Variants in ADAMTS3 observed in about 807,000 individuals in gnomAD.
ADAMTS3 encodes the protein A disintegrin and metalloproteinase with thrombospondin motifs 3.
Under a neutral mutation model 129.0 loss-of-function variants are expected in ADAMTS3, and 73 were observed. That is an observed-to-expected ratio of 0.57 (90% CI 0.47 to 0.69). The LOEUF (loss-of-function observed/expected upper bound fraction) is 0.69. Among genes scored for constraint, ADAMTS3 ranks in the 30% least tolerant of loss-of-function variants. The pLI is 0.00. For synonymous variants in ADAMTS3, 477 were observed against 510.8 expected (o/e 0.93, Z 0.89); for missense variants, 1,457 against 1,514.5 (o/e 0.96, Z 0.63).
chr4:72,375,013 A>G (rs1721102989), intron 4 of ADAMTS3, among the ~76,000 whole-genome samples: 1 of 152,084 alleles, frequency 6.6e-6, no homozygotes, highest in Admixed American at 6.5e-5. Flanking sequence ...ATGATGGGAG[A>G]TCACTTTATA....
At chr4:72,307,349 A>G (rs1719114120) in intron 15 of ADAMTS3, among the ~76,000 whole-genome samples, 1 of 152,062 alleles carries the variant, frequency 6.6e-6, no homozygotes, top group African/African-American at 2.4e-5. Flanking sequence ...TAAGATGCCA[A>G]GTACAGCAAA....
intron 3 of ADAMTS3, among the ~76,000 whole-genome samples, chr4:72,476,952 G>GA (rs372598694): frequency 2.2e-3 from 340 of 152,134 alleles, no homozygotes; most frequent in African/African-American, 7.6e-3. Flanking sequence ...AAATGATGCA[G>GA]AAAAAATCAT....
chr4:72,498,223 C>T (rs1268967175), intron 3 of ADAMTS3, among the ~76,000 whole-genome samples: 1 of 152,016 alleles, frequency 6.6e-6, no homozygotes, highest in Admixed American at 6.6e-5. Context: ...ACGATTTCTG[C>T]ACCGCATTCT....
At chr4:72,403,668 A>AT (rs1334064111) in intron 4 of ADAMTS3, among the ~76,000 whole-genome samples, 1 of 151,954 alleles carries the variant, frequency 6.6e-6, no homozygotes, top group Non-Finnish European at 1.5e-5. Flanking sequence ...TCTTAACACT[A>AT]TTTTTTGCTA....
intron 3 of ADAMTS3, among the ~76,000 whole-genome samples, chr4:72,512,243 C>T (rs772351624): frequency 7.0e-4 from 107 of 151,966 alleles, no homozygotes; most frequent in Non-Finnish European, 1.2e-3. Flanking sequence ...TGGGAGGCCG[C>T]GGTGGACAGA....
At chr4:72,449,524 T>G (rs1718338887) in intron 3 of ADAMTS3, among the ~76,000 whole-genome samples, 1 of 151,788 alleles carries the variant, frequency 6.6e-6, no homozygotes, top group South Asian at 2.1e-4. Flanking sequence ...AGCTTTCTTA[T>G]TACTATTGTA....
At chr4:72,485,954 A>G (rs1719580229) in intron 3 of ADAMTS3, among the ~76,000 whole-genome samples, 1 of 152,192 alleles carries the variant, frequency 6.6e-6, no homozygotes, top group Non-Finnish European at 1.5e-5. Context: ...CTCACTGGAC[A>G]CTGAAACTGC....
intron 3 of ADAMTS3, among the ~76,000 whole-genome samples, chr4:72,445,694 T>G (rs1718232283): frequency 6.6e-6 from 1 of 151,600 alleles, no homozygotes; most frequent in African/African-American, 2.4e-5. Context: ...TAGGCCCAAA[T>G]CAGCCCAATT....
At chr4:72,518,049 T>C (rs1327988231) in intron 3 of ADAMTS3, among the ~76,000 whole-genome samples, 3 of 152,302 alleles carry the variant, frequency 2.0e-5, no homozygotes, top group Admixed American at 2.0e-4. Context: ...TTTGTTCTCG[T>C]TGGTTTCAAA....
intron 3 of ADAMTS3, among the ~76,000 whole-genome samples, chr4:72,456,975 A>G (rs777087775): frequency 2.6e-5 from 4 of 151,730 alleles, no homozygotes; most frequent in Non-Finnish European, 5.9e-5. Context: ...TTAAGTTTGT[A>G]GAAATCATCA....
At chr4:72,416,247 T>C (rs1480810511) in intron 3 of ADAMTS3, among the ~76,000 whole-genome samples, 1 of 128,712 alleles carries the variant, frequency 7.8e-6, no homozygotes, top group Non-Finnish European at 1.7e-5. Context: ...CCTATGACTA[T>C]AGCTTTTCTG....
chr4:72,330,172 C>T (rs1026852179), intron 5 of ADAMTS3, among the ~76,000 whole-genome samples: 2 of 152,074 alleles, frequency 1.3e-5, no homozygotes, highest in South Asian at 4.2e-4. Flanking sequence ...GTGCACACCA[C>T]CACACCTGGC....
At chr4:72,567,787 C>T (rs1028983016) in intron 1 of ADAMTS3, among the ~76,000 whole-genome samples, 1 of 152,228 alleles carries the variant, frequency 6.6e-6, no homozygotes, top group African/African-American at 2.4e-5. Context: ...ATCAACTAGA[C>T]AATTCTCTAC....
At chr4:72,387,269 CA>C (rs1268674000) in intron 4 of ADAMTS3, among the ~76,000 whole-genome samples, 2 of 152,154 alleles carry the variant, frequency 1.3e-5, no homozygotes, top group African/African-American at 4.8e-5. Flanking sequence ...ACCCTGTTAT[CA>C]GTCACATTTT....
intron 3 of ADAMTS3, among the ~76,000 whole-genome samples, chr4:72,472,338 C>T (rs941355307): frequency 1.9e-4 from 29 of 152,098 alleles, no homozygotes; most frequent in African/African-American, 3.6e-4. Flanking sequence ...ACAGAGTATA[C>T]GCCAAATACA....
At chr4:72,520,449 G>A (rs1039027682) in intron 3 of ADAMTS3, among the ~76,000 whole-genome samples, 10 of 152,188 alleles carry the variant, frequency 6.6e-5, no homozygotes, top group South Asian at 2.1e-4. Context: ...CAGAGGTGGA[G>A]CCTACACAGA....
chr4:72,283,176 T>C lies in ADAMTS3; in HGVS notation c.3578A>G (p.Asp1193Gly), dbSNP rs112590852. 85 of 1,613,498 alleles carry C rather than the reference T, an allele frequency of 5.3e-5. No homozygotes were observed. The African/African-American group carries it at 1.0e-3, about 19-fold the overall frequency. The change falls in exon 22 of 22, where the codon GAC becomes GGC. Residue 1193 changes from aspartate (D) to glycine (G), a missense_variant. Physicochemically the swap from Asp to Gly is moderately conservative, Grantham distance 94. Coordinates refer to ENST00000286657, the MANE Select transcript of ADAMTS3 (RefSeq NM_014243.3). Reference protein sequence around the residue: ...RTSKKDGKIIDNRRPTRSSTL... With the variant: ...RTSKKDGKIIGNRRPTRSSTL... ...GGATGATCTTGTCGGACGTCTGTTG[T>C]CAATGATCTTTCCATCTTTCTTTGA...
At position 72,355,472 on chromosome 4, in the gene ADAMTS3, A is replaced by G. The variant is rs575224895; in HGVS notation, c.662-15779T>C. Among the ~76,000 whole-genome samples, 28 of 152,168 alleles carry G rather than the reference A, an allele frequency of 1.8e-4. 1 individual carries two copies. The highest frequency in any genetic ancestry group is 6.0e-4 in the African/African-American group (25 of 41,536). Reference sequence around the variant, plus strand: ...AAGCTGCAATATAAATCACCACAGCACATAAGATCTTATCACAATGCTCAT... The same window carrying G: ...AAGCTGCAATATAAATCACCACAGCGCATAAGATCTTATCACAATGCTCAT... On this transcript the variant is annotated intron_variant, in intron 4 of 21. Coordinates refer to ENST00000286657, the MANE Select transcript of ADAMTS3 (RefSeq NM_014243.3).
chr4:72,517,012 C>A (rs1481918523), intron 3 of ADAMTS3, among the ~76,000 whole-genome samples: 1 of 152,280 alleles, frequency 6.6e-6, no homozygotes. Flanking sequence ...TACATCCCAT[C>A]AATACCTAAT....
Sources: gnomAD v4.1 joint callset for allele counts (sites outside exome capture counted in the v4.1 genomes callset) on GRCh38, gnomAD v4.1.1 for gene constraint, MANE v1.5 for transcripts, NCBI Gene and HGNC (gene_info 2026-07-23, HGNC 2026-07-21) for gene names.